The following TENM2 variants were observed in gnomAD, a reference collection of about 807,000 sequenced individuals.
The protein encoded by TENM2 is teneurin transmembrane protein 2, also known as teneurin-2.
A neutral mutation model predicts 245.2 loss-of-function variants in TENM2; 52 were observed. The observed-to-expected ratio is 0.21, with a 90% confidence interval of 0.17 to 0.27. TENM2 has a LOEUF of 0.27. TENM2 is among the 10% of genes least tolerant of loss of function. The pLI is 1.00. For synonymous variants in TENM2, 1,363 were observed against 1,438.9 expected, an observed-to-expected ratio of 0.95 and a Z score of 1.19; for missense variants, 3,046 against 3,666.8, an observed-to-expected ratio of 0.83 and a Z score of 4.37.
intron 7 of TENM2, among the ~76,000 whole-genome samples, chr5:168,063,878 C>T (rs1393579771): frequency 6.6e-6 from 1 of 152,062 alleles, no homozygotes; most frequent in African/African-American, 2.4e-5. Flanking sequence ...GCAGGGAGAG[C>T]TGAGCTGTGT....
intron 2 of TENM2, among the ~76,000 whole-genome samples, chr5:167,649,660 A>G (rs1754311749): frequency 6.6e-6 from 1 of 152,160 alleles, no homozygotes; most frequent in African/African-American, 2.4e-5. Flanking sequence ...GAAAACACAG[A>G]CAGGAGTGAT....
chr5:167,028,444 A>C, the TENM2 span, among the ~76,000 whole-genome samples: 1 of 152,038 alleles, frequency 6.6e-6, no homozygotes, highest in East Asian at 1.9e-4. Context: ...TGATTTACCC[A>C]TGTTTTTACC....
At chr5:167,072,244 TA>T in the TENM2 span, among the ~76,000 whole-genome samples, 1 of 152,142 alleles carries the variant, frequency 6.6e-6, no homozygotes, top group Non-Finnish European at 1.5e-5. Flanking sequence ...ACAGAGAAAT[TA>T]GAGCTAATTG....
chr5:167,137,463 G>A, the TENM2 span, among the ~76,000 whole-genome samples: 1 of 152,088 alleles, frequency 6.6e-6, no homozygotes, highest in South Asian at 2.1e-4. Flanking sequence ...GCTCTCATGT[G>A]CCACACTTAG....
the TENM2 span, among the ~76,000 whole-genome samples, chr5:167,005,819 A>T: frequency 6.0e-4 from 91 of 151,438 alleles, 1 homozygote; most frequent in African/African-American, 2.2e-3. Flanking sequence ...GTGCCACCAC[A>T]TCTGGTTAAT....
At chr5:168,180,373 G>C (rs1020926866) in intron 13 of TENM2, among the ~76,000 whole-genome samples, 1 of 152,186 alleles carries the variant, frequency 6.6e-6, no homozygotes, top group Non-Finnish European at 1.5e-5. Context: ...GTTTAACTTC[G>C]TTTAACTGAC....
At chr5:167,136,175 A>G in the TENM2 span, among the ~76,000 whole-genome samples, 2 of 152,272 alleles carry the variant, frequency 1.3e-5, no homozygotes, top group African/African-American at 2.4e-5. Flanking sequence ...AATATTTTCC[A>G]TGTCTGCATA....
chr5:167,069,998 A>C, the TENM2 span, among the ~76,000 whole-genome samples: 2 of 152,168 alleles, frequency 1.3e-5, no homozygotes, highest in Non-Finnish European at 2.9e-5. Context: ...AAAACCTAGT[A>C]AATAACATTT....
At chr5:167,069,107 C>G in the TENM2 span, among the ~76,000 whole-genome samples, 1 of 152,212 alleles carries the variant, frequency 6.6e-6, no homozygotes, top group South Asian at 2.1e-4. Flanking sequence ...ATCTCCCATT[C>G]CTCACATTGT....
chr5:168,066,552 C>T (rs189125617), intron 7 of TENM2, among the ~76,000 whole-genome samples: 6 of 152,250 alleles, frequency 3.9e-5, no homozygotes, highest in African/African-American at 9.6e-5. Flanking sequence ...ATTGTGGAAA[C>T]GCCCATTTTA....
At chr5:168,052,297 A>C (rs1461169751) in intron 6 of TENM2, among the ~76,000 whole-genome samples, 1 of 151,824 alleles carries the variant, frequency 6.6e-6, no homozygotes, top group Non-Finnish European at 1.5e-5. Context: ...AGGCTGAGGC[A>C]GGAGAATGGC....
At chr5:167,801,122 A>G (rs1429989555) in intron 2 of TENM2, among the ~76,000 whole-genome samples, 2 of 62,102 alleles carry the variant, frequency 3.2e-5, no homozygotes, top group Admixed American at 2.0e-4. Context: ...ATATATATAT[A>G]TATATATATA....
At chr5:167,959,320 CA>C in intron 4 of TENM2, among the ~76,000 whole-genome samples, 1 of 152,112 alleles carries the variant, frequency 6.6e-6, no homozygotes, top group African/African-American at 2.4e-5. Context: ...TCAGCCTCCC[CA>C]GCAGCTGGGA....
At chr5:167,002,976 C>CT in the TENM2 span, among the ~76,000 whole-genome samples, 48 of 148,182 alleles carry the variant, frequency 3.2e-4, no homozygotes, top group Admixed American at 1.4e-3. Flanking sequence ...TGCTTGATGA[C>CT]TTTTTTTTTT....
At chr5:167,542,262 G>A (rs141464088) in intron 2 of TENM2, among the ~76,000 whole-genome samples, 14 of 152,138 alleles carry the variant, frequency 9.2e-5, no homozygotes, top group African/African-American at 2.4e-4. Context: ...CTAAGAAGGC[G>A]CTTTGTATTG....
the TENM2 span, among the ~76,000 whole-genome samples, chr5:167,266,603 T>C: frequency 6.6e-6 from 1 of 152,300 alleles, no homozygotes; most frequent in South Asian, 2.1e-4. Flanking sequence ...TACTTTTATG[T>C]AATCTTGTTT....
intron 5 of TENM2, among the ~76,000 whole-genome samples, chr5:168,015,171 T>C (rs1785552445): frequency 6.6e-6 from 1 of 152,210 alleles, no homozygotes; most frequent in Non-Finnish European, 1.5e-5. Flanking sequence ...GAGGGAAATT[T>C]TGCTTTTTGT....
chr5:167,378,293 A>G (rs1352608666), intron 2 of TENM2, among the ~76,000 whole-genome samples: 1 of 151,960 alleles, frequency 6.6e-6, no homozygotes, highest in Non-Finnish European at 1.5e-5. Flanking sequence ...TGTGCTTCCT[A>G]CATGCTGCTG....
Position 168,144,411 on chromosome 5 carries a change from G to T in TENM2, c.2422+17445G>T, listed in dbSNP as rs13164572. On this transcript the variant is annotated intron_variant, in intron 12 of 28. Coordinates refer to ENST00000518659, the Ensembl canonical transcript of TENM2. The stretch of plus-strand genomic sequence containing the variant: ...TGATCTCATTGTTCAATTCCCACCT[G>T]TAAGTGAGAATATGTGGTGTTTGGT... Among the ~76,000 whole-genome samples the T allele has an allele frequency of 9.4e-3, 1,420 of 150,560 alleles. 7 individuals are homozygous for T. Among genetic ancestry groups the T allele is most frequent in the South Asian group, 0.036 (173 of 4,780 alleles).
Sources: allele counts gnomAD v4.1 joint callset (sites outside exome capture counted in the v4.1 genomes callset), GRCh38; gene constraint gnomAD v4.1.1; transcripts MANE v1.5; gene names NCBI Gene and HGNC (gene_info 2026-07-23, HGNC 2026-07-21).